The following SLC35G2 variants were observed in gnomAD, a reference collection of about 807,000 sequenced individuals.
SLC35G2 encodes transmembrane protein 22.
Under a neutral mutation model 27.2 loss-of-function variants are expected in SLC35G2, and 20 were observed. The ratio of observed to expected loss-of-function variants is 0.74; its 90% CI spans 0.52 to 1.07. The LOEUF is 1.07. SLC35G2 is among the 50% of genes least tolerant of loss of function. The pLI is 0.00. For missense variants in SLC35G2, 416 were observed against 493.3 expected, an observed-to-expected ratio of 0.84 and a Z score of 1.48; for synonymous variants, 148 against 165.3, an observed-to-expected ratio of 0.90 and a Z score of 0.80.
chr3:136,849,094 G>T (rs529048030), intron 1 of SLC35G2, among the ~76,000 whole-genome samples: 6 of 151,766 alleles, frequency 4.0e-5, no homozygotes, highest in Admixed American at 3.9e-4. Context: ...CAGGAGAGTC[G>T]CTTGAATCCG....
chr3:136,835,383 A>T (rs201540942), intron 1 of SLC35G2, among the ~76,000 whole-genome samples: 289 of 17,004 alleles, frequency 0.017, 3 homozygotes, highest in East Asian at 0.13. Flanking sequence ...CAGGTGATAC[A>T]TTTTTTTTTG....
chr3:136,824,651 C>G (rs1463721717), intron 1 of SLC35G2, among the ~76,000 whole-genome samples: 10 of 152,014 alleles, frequency 6.6e-5, no homozygotes, highest in African/African-American at 2.4e-4. Flanking sequence ...AGTTTTTTGC[C>G]AGAGTCTCTA....
intron 1 of SLC35G2, among the ~76,000 whole-genome samples, chr3:136,825,387 T>C (rs1431115255): frequency 6.6e-6 from 1 of 151,798 alleles, no homozygotes; most frequent in Admixed American, 6.6e-5. Flanking sequence ...ACTACAGGCA[T>C]GCACCACCAT....
intron 1 of SLC35G2, among the ~76,000 whole-genome samples, chr3:136,836,392 A>G (rs181083677): frequency 1.6e-4 from 21 of 129,570 alleles, no homozygotes; most frequent in Admixed American, 1.4e-3. Flanking sequence ...CTTGGCCCCA[A>G]TTCTTCCTCA....
intron 1 of SLC35G2, among the ~76,000 whole-genome samples, chr3:136,843,551 C>A (rs937348746): frequency 3.9e-5 from 6 of 151,934 alleles, no homozygotes; most frequent in Non-Finnish European, 5.9e-5. Flanking sequence ...GAGGTTGAGG[C>A]AGGAGAATCC....
chr3:136,830,834 T>G (rs906627027), intron 1 of SLC35G2, among the ~76,000 whole-genome samples: 2 of 152,230 alleles, frequency 1.3e-5, no homozygotes, highest in Admixed American at 1.3e-4. Context: ...ATTAAGAGAC[T>G]CTAATGCATT....
chr3:136,831,464 G>C (rs948237499), intron 1 of SLC35G2, among the ~76,000 whole-genome samples: 12 of 152,316 alleles, frequency 7.9e-5, no homozygotes, highest in Admixed American at 5.9e-4. Flanking sequence ...GCCTTTTCTT[G>C]GAGTGGTAAC....
At chr3:136,839,769 C>T (rs905392547) in intron 1 of SLC35G2, among the ~76,000 whole-genome samples, 19 of 152,138 alleles carry the variant, frequency 1.2e-4, no homozygotes, top group African/African-American at 4.6e-4. Flanking sequence ...CCTGACTATT[C>T]CTTCCCTAAT....
chr3:136,822,613 C>G (rs191357138), intron 1 of SLC35G2, among the ~76,000 whole-genome samples: 2 of 152,210 alleles, frequency 1.3e-5, no homozygotes, highest in Non-Finnish European at 2.9e-5. Context: ...CTGCGCCCAG[C>G]GTACTCTCTA....
chr3:136,838,137 T>A (rs1936929578), intron 1 of SLC35G2: 1 of 151,990 alleles, frequency 6.6e-6, no homozygotes, highest in African/African-American at 2.4e-5. Context: ...TGCCCGGCCA[T>A]AAAATTAACT....
At position 136,854,652 on chromosome 3, in the gene SLC35G2, A is replaced by AT. The variant is rs779633118; in HGVS notation, c.192_193insT (p.Gly65TrpfsTer22). Reference sequence around the variant, plus strand: ...GTCTGCTGAGTGAAATGAAAAAAAAAGGGAGAGCTTTCTTTGGAACCATGG... The same window carrying AT: ...GTCTGCTGAGTGAAATGAAAAAAAAATGGGAGAGCTTTCTTTGGAACCATGG... On this transcript the variant is annotated frameshift_variant, in exon 2 of 2. Transcript: ENST00000446465. LOFTEE classifies it high-confidence loss of function. 6 of 1,613,596 alleles carry AT rather than the reference A, an allele frequency of 3.7e-6. No homozygotes were observed. In the South Asian group the frequency reaches 6.6e-5, roughly 18 times the overall value.
intron 1 of SLC35G2, among the ~76,000 whole-genome samples, chr3:136,846,924 CT>C (rs1937407117): frequency 6.6e-6 from 1 of 152,152 alleles, no homozygotes; most frequent in Admixed American, 6.5e-5. Context: ...AATCCCAGTA[CT>C]TTGCGCTAAG....
At chr3:136,845,330 C>T (rs952731444) in intron 1 of SLC35G2, among the ~76,000 whole-genome samples, 1 of 152,082 alleles carries the variant, frequency 6.6e-6, no homozygotes, top group Non-Finnish European at 1.5e-5. Context: ...GAAGTTTATT[C>T]TGAGCAAGCT....
At chr3:136,828,498 CTCT>C (rs1364625321) in intron 1 of SLC35G2, among the ~76,000 whole-genome samples, 7 of 151,962 alleles carry the variant, frequency 4.6e-5, no homozygotes, top group African/African-American at 1.7e-4. Flanking sequence ...CCTTTTTTGT[CTCT>C]TCTTACAGTT....
At chr3:136,846,564 A>G (rs950360220) in intron 1 of SLC35G2, 4 of 152,216 alleles carry the variant, frequency 2.6e-5, no homozygotes, top group African/African-American at 9.6e-5. Context: ...TGGAGCCATG[A>G]TACTGGTTTA....
intron 1 of SLC35G2, 110 bp from the exon 2 acceptor site, chr3:136,854,333 C>A (rs1055328026): frequency 2.9e-6 from 2 of 701,220 alleles, no homozygotes; most frequent in Non-Finnish European, 4.6e-6. Flanking sequence ...TTTTTCTGGA[C>A]TACTGTTACA....
At position 136,854,344 on chromosome 3, in the gene SLC35G2, G is replaced by C. The variant is rs1014273146; in HGVS notation, c.-18-99G>C. 7.7e-6 allele frequency: 6 copies of C among 781,220 alleles called. No individual in the cohort carries two copies. In the African/African-American group the frequency reaches 1.1e-4, roughly 14 times the overall value. 48.4% of individuals were successfully genotyped at this position (781,220 alleles called of 1,614,324 possible). A position where few individuals can be genotyped will look rare whatever the true frequency, so the allele number is the denominator to read the frequency against. On this transcript the variant is annotated intron_variant, in intron 1 of 1. Coordinates refer to ENST00000446465, the MANE Select transcript of SLC35G2 (RefSeq NM_025246.3). The stretch of plus-strand genomic sequence containing the variant: ...CTTTTTTTTCTGGACTACTGTTACA[G>C]CCTCTACTTTCTATCATTGAATTGA...
At chr3:136,840,710 G>A (rs555641121) in intron 1 of SLC35G2, among the ~76,000 whole-genome samples, 2 of 151,872 alleles carry the variant, frequency 1.3e-5, no homozygotes, top group East Asian at 3.9e-4. Flanking sequence ...TGCAACCTCT[G>A]CCTCCCTGGT....
rs1937963910 is a variant in SLC35G2, at chr3:136,855,469, T to A, written c.1009T>A (p.Tyr337Asn). 1 of 1,614,078 alleles carries A rather than the reference T, an allele frequency of 6.2e-7. No individual in the cohort carries two copies. Among genetic ancestry groups the A allele is most frequent in the Admixed American group, 1.7e-5 (1 of 60,002 alleles). ...CSTAAFLGVY[Y>N]ALDKFHPALV... ...TACTGCAGCATTCTTAGGAGTTTAT[T>A]ATGCCTTGGACAAATTCCATCCAGC... Residue 337 changes from tyrosine to asparagine, a missense_variant, in exon 2 of 2, where the codon TAT becomes AAT. Coordinates refer to ENST00000446465, the MANE Select transcript of SLC35G2 (RefSeq NM_025246.3).
Sources: allele counts gnomAD v4.1 joint callset (sites outside exome capture counted in the v4.1 genomes callset), GRCh38; gene constraint gnomAD v4.1.1; transcripts MANE v1.5; gene names NCBI Gene and HGNC (gene_info 2026-07-23, HGNC 2026-07-21).